Variants in LYPD6B observed in about 807,000 individuals in gnomAD.
LYPD6B encodes the protein ly6/PLAUR domain-containing protein 6B.
In LYPD6B, 17 loss-of-function variants were observed where a neutral mutation model predicts 22.8. The ratio of observed to expected loss-of-function variants is 0.75; its 90% CI spans 0.51 to 1.12. The LOEUF is 1.12. Among genes scored for constraint, LYPD6B ranks in the 50% most tolerant of loss-of-function variants. The pLI, the probability that LYPD6B is intolerant of heterozygous loss-of-function variation, is 0.00. For synonymous variants in LYPD6B, 106 were observed against 91.6 expected (o/e 1.16, Z -0.90); for missense variants, 221 against 258.3 (o/e 0.86, Z 0.99).
At chr2:149,122,222 G>C (rs375922249) in intron 1 of LYPD6B, among the ~76,000 whole-genome samples, 1 of 152,084 alleles carries the variant, frequency 6.6e-6, no homozygotes, top group African/African-American at 2.4e-5. Context: ...CAGCACTGCC[G>C]AGATCGTGTC....
chr2:149,118,539 A>G (rs966971979), intron 1 of LYPD6B, among the ~76,000 whole-genome samples: 2 of 152,212 alleles, frequency 1.3e-5, no homozygotes, highest in African/African-American at 4.8e-5. Context: ...TGCATCCTCC[A>G]TCTGTCTCTG....
chr2:149,048,380 A>G (rs1190013509), intron 1 of LYPD6B, among the ~76,000 whole-genome samples: 2 of 152,114 alleles, frequency 1.3e-5, no homozygotes, highest in Non-Finnish European at 2.9e-5. Context: ...AAATTCCTCT[A>G]GTGATGCCTT....
Position 149,212,992 on chromosome 2 carries a change from A to G in LYPD6B, c.329A>G (p.Asn110Ser). Residue 110 changes from asparagine (N) to serine (S), a missense_variant and splice_region_variant, in exon 6 of 7, where the codon AAT (asparagine) becomes AGT (serine). Coordinates refer to ENST00000409642, the MANE Select transcript of LYPD6B (RefSeq NM_177964.5). ...RWAEDKWCPQ[N>S]TQYCLTVHHF... The stretch of plus-strand genomic sequence containing the variant: ...TTGTTTTTTGTTTCCTCTTGCCTAG[A>G]TACACAGTACTGTTTGACAGTTCAT... 6.2e-7 allele frequency: 1 copy of G among 1,613,454 alleles called. No homozygotes were observed. The highest frequency in any genetic ancestry group is 1.7e-5 in the Admixed American group (1 of 59,940).
At chr2:149,161,998 A>G (rs1476765479) in intron 3 of LYPD6B, among the ~76,000 whole-genome samples, 3 of 152,186 alleles carry the variant, frequency 2.0e-5, no homozygotes, top group Non-Finnish European at 4.4e-5. Context: ...GTGAGCTGTA[A>G]CTTCAACTTA....
intron 1 of LYPD6B, among the ~76,000 whole-genome samples, chr2:149,117,497 T>G (rs1235062507): frequency 6.6e-6 from 1 of 152,134 alleles, no homozygotes; most frequent in Non-Finnish European, 1.5e-5. Flanking sequence ...TCTCAAACTC[T>G]GGATCTCAAG....
At chr2:149,158,180 A>G (rs1689824962) in intron 2 of LYPD6B, among the ~76,000 whole-genome samples, 1 of 152,264 alleles carries the variant, frequency 6.6e-6, no homozygotes, top group East Asian at 1.9e-4. Flanking sequence ...TAACTCTTCT[A>G]CCTCTTACAT....
chr2:149,206,178 G>A (rs370168561), intron 4 of LYPD6B: 3 of 273,682 alleles, frequency 1.1e-5, no homozygotes, highest in African/African-American at 6.7e-5. Flanking sequence ...CTTCTCCAGA[G>A]ATTTAACAGT....
intron 1 of LYPD6B, among the ~76,000 whole-genome samples, chr2:149,048,998 A>T (rs1443957082): frequency 6.6e-6 from 1 of 152,160 alleles, no homozygotes; most frequent in African/African-American, 2.4e-5. Context: ...TCCCCAGGTG[A>T]GTCTGATATT....
chr2:149,118,412 A>C (rs1158454228), intron 1 of LYPD6B: 1 of 152,262 alleles, frequency 6.6e-6, no homozygotes, highest in Non-Finnish European at 1.5e-5. Context: ...AAGAAAATGC[A>C]TGAGTTTTTG....
intron 1 of LYPD6B, among the ~76,000 whole-genome samples, chr2:149,095,211 G>A (rs1390168012): frequency 1.3e-5 from 2 of 152,154 alleles, no homozygotes; most frequent in Admixed American, 6.6e-5. Flanking sequence ...CGAGAGAATC[G>A]CTTGAACCCG....
At chr2:149,103,959 T>G (rs9784116) in intron 1 of LYPD6B, among the ~76,000 whole-genome samples, 55,962 of 151,030 alleles carry the variant, frequency 0.37, 10,765 homozygotes, top group Non-Finnish European at 0.39. Flanking sequence ...TATATTTTTG[T>G]TAGAGATGGG....
At chr2:149,059,652 C>T (rs1683979915) in intron 1 of LYPD6B, among the ~76,000 whole-genome samples, 1 of 152,208 alleles carries the variant, frequency 6.6e-6, no homozygotes, top group Non-Finnish European at 1.5e-5. Context: ...GTTTTTACTG[C>T]ATTCTCACTA....
chr2:149,173,252 G>T (rs1380697473), intron 3 of LYPD6B, among the ~76,000 whole-genome samples: 2 of 150,070 alleles, frequency 1.3e-5, no homozygotes, highest in Non-Finnish European at 3.0e-5. Context: ...AACTAGCAAG[G>T]TCTTGGTTAT....
chr2:149,157,158 GT>G (rs1370666378), intron 2 of LYPD6B, among the ~76,000 whole-genome samples: 1 of 152,106 alleles, frequency 6.6e-6, no homozygotes, highest in Non-Finnish European at 1.5e-5. Flanking sequence ...GAGATCCTTT[GT>G]ATTAGCATCC....
At position 149,131,142 on chromosome 2, in the gene LYPD6B, T is replaced by C. The variant is rs563643782; in HGVS notation, c.5+189T>C. 2.6e-5 allele frequency: 13 copies of C among 504,022 alleles called. No homozygotes were observed. The South Asian group carries it at 4.1e-4, about 16-fold the overall frequency. 31.2% of individuals were successfully genotyped at this position (504,022 alleles called of 1,614,324 possible). ...TGGTTTCAGTATCTTCCCCTAATCA[T>C]ATTGACTTTTTATGAAAGAACTTTT... On this transcript the variant is annotated intron_variant, in intron 2 of 6. Transcript: ENST00000409642.
At chr2:149,191,626 GAAATAGT>G (rs1197533538) in intron 3 of LYPD6B, among the ~76,000 whole-genome samples, 1 of 152,068 alleles carries the variant, frequency 6.6e-6, no homozygotes, top group Non-Finnish European at 1.5e-5. Context: ...TTCTCCAAAT[GAAATAGT>G]AAATTACCTA....
chr2:149,120,383 A>ATATATATATTTTTTTTTTTTT (rs1327065975), intron 1 of LYPD6B, among the ~76,000 whole-genome samples: 2 of 48,614 alleles, frequency 4.1e-5, no homozygotes, highest in African/African-American at 2.1e-4. Context: ...ATATATATAT[A>ATATATATATTTTTTTTTTTTT]TTTTTTTTTT....
In LYPD6B at chr2:149,205,793, A is replaced by G. The variant is rs12616934; in HGVS notation, c.229+389A>G. On this transcript the variant is annotated intron_variant, in intron 4 of 6. Coordinates refer to ENST00000409642, the MANE Select transcript of LYPD6B (RefSeq NM_177964.5). ...AATGGCCATTAACAATTTTGAAAAC[A>G]GATTTGTATGTTTGAAATTTGGAGG... 0.015 allele frequency among the ~76,000 whole-genome samples: 2,218 copies of G among 152,304 alleles called. 281 individuals carry two copies. In the East Asian group the frequency reaches 0.32, roughly 22 times the overall value.
At chr2:149,142,331 C>T (rs184890782) in intron 2 of LYPD6B, 11 of 152,220 alleles carry the variant, frequency 7.2e-5, no homozygotes, top group African/African-American at 2.4e-4. Context: ...GAGGTGCACC[C>T]GAAGAAGACC....
Sources: gnomAD v4.1 joint callset for allele counts (sites outside exome capture counted in the v4.1 genomes callset) on GRCh38, gnomAD v4.1.1 for gene constraint, MANE v1.5 for transcripts, NCBI Gene and HGNC (gene_info 2026-07-23, HGNC 2026-07-21) for gene names.